Variants in EMCN observed in about 807,000 individuals in gnomAD.
The protein encoded by EMCN is MUC-14.
Under a neutral mutation model 38.4 loss-of-function variants are expected in EMCN, and 37 were observed. The ratio of observed to expected loss-of-function variants is 0.96; its 90% confidence interval spans 0.74 to 1.27. EMCN has a LOEUF of 1.27. Ranked by LOEUF, EMCN falls within the 50% of genes most tolerant of loss-of-function variation. The pLI, the probability that EMCN is intolerant of heterozygous loss-of-function variation, is 0.00. For synonymous variants in EMCN, 95 were observed against 100.8 expected (o/e 0.94, Z 0.35); for missense variants, 318 against 302.8 (o/e 1.05, Z -0.37).
At chr4:100,492,160 A>G (rs1208917815) in intron 1 of EMCN, among the ~76,000 whole-genome samples, 2 of 152,196 alleles carry the variant, frequency 1.3e-5, no homozygotes, top group African/African-American at 4.8e-5. Flanking sequence ...TAATACACAA[A>G]CATTAAATGA....
At chr4:100,421,607 T>C (rs1726891219) in intron 7 of EMCN, among the ~76,000 whole-genome samples, 1 of 151,932 alleles carries the variant, frequency 6.6e-6, no homozygotes, top group Non-Finnish European at 1.5e-5. Flanking sequence ...ATTCCAACCT[T>C]AAGAGAGAGT....
chr4:100,476,543 A>C (rs1224385980), intron 2 of EMCN, among the ~76,000 whole-genome samples: 1 of 152,190 alleles, frequency 6.6e-6, no homozygotes, highest in Non-Finnish European at 1.5e-5. Context: ...TTTATTTTTA[A>C]AGATATTATA....
chr4:100,408,602 A>G (rs1726460801), intron 11 of EMCN, among the ~76,000 whole-genome samples: 1 of 152,082 alleles, frequency 6.6e-6, no homozygotes, highest in African/African-American at 2.4e-5. Flanking sequence ...GTTTCCTCAC[A>G]TTTGTAGCCA....
intron 3 of EMCN, among the ~76,000 whole-genome samples, chr4:100,471,946 A>T (rs1728491114): frequency 6.6e-6 from 1 of 152,062 alleles, no homozygotes; most frequent in African/African-American, 2.4e-5. Flanking sequence ...GATAAAGGTC[A>T]TTTATTAAAA....
chr4:100,515,009 G>GTT (rs1560649175), intron 1 of EMCN, among the ~76,000 whole-genome samples: 1 of 152,052 alleles, frequency 6.6e-6, no homozygotes, highest in African/African-American at 2.4e-5. Context: ...CTGATAGTGT[G>GTT]TTTAATCTTT....
chr4:100,469,941 A>G (rs1030198070), intron 3 of EMCN, among the ~76,000 whole-genome samples: 7 of 151,792 alleles, frequency 4.6e-5, no homozygotes, highest in African/African-American at 1.2e-4. Context: ...AAGATTTTCA[A>G]TGTTAGTTTA....
chr4:100,441,428 T>C (rs1230129227), intron 5 of EMCN, among the ~76,000 whole-genome samples: 2 of 152,230 alleles, frequency 1.3e-5, no homozygotes, highest in Admixed American at 6.5e-5. Flanking sequence ...GTAGGCAGCA[T>C]ATAGTTGGAT....
chr4:100,468,318 A>G (rs1442224635), intron 3 of EMCN, among the ~76,000 whole-genome samples: 2 of 152,152 alleles, frequency 1.3e-5, no homozygotes, highest in East Asian at 1.9e-4. Flanking sequence ...TTTATTTTGT[A>G]TATTTTGAGG....
At chr4:100,469,866 T>C (rs1728426518) in intron 3 of EMCN, among the ~76,000 whole-genome samples, 1 of 152,020 alleles carries the variant, frequency 6.6e-6, no homozygotes, top group Non-Finnish European at 1.5e-5. Flanking sequence ...CTAGGATTTC[T>C]TTGGCTATTT....
At chr4:100,409,167 C>T (rs567755743) in intron 11 of EMCN, among the ~76,000 whole-genome samples, 1 of 152,290 alleles carries the variant, frequency 6.6e-6, no homozygotes, top group Admixed American at 6.5e-5. Flanking sequence ...ATCGTGGACA[C>T]TTTACCTAGA....
chr4:100,515,977 C>T (rs971778605), intron 1 of EMCN, among the ~76,000 whole-genome samples: 4 of 146,742 alleles, frequency 2.7e-5, no homozygotes, highest in African/African-American at 1.0e-4. Flanking sequence ...AGCCTCCTCT[C>T]TAAGACAAAT....
chr4:100,483,772 G>A (rs1728874233), intron 1 of EMCN, among the ~76,000 whole-genome samples: 1 of 152,120 alleles, frequency 6.6e-6, no homozygotes, highest in Non-Finnish European at 1.5e-5. Flanking sequence ...CACCAGATAT[G>A]CTTTTACTGT....
chr4:100,466,161 T>C (rs922024657), intron 3 of EMCN, among the ~76,000 whole-genome samples: 3 of 152,202 alleles, frequency 2.0e-5, no homozygotes, highest in Non-Finnish European at 2.9e-5. Context: ...ATAAGATGAC[T>C]TGAAACAACT....
intron 2 of EMCN, among the ~76,000 whole-genome samples, chr4:100,479,632 G>C (rs975751669): frequency 4.6e-5 from 7 of 151,976 alleles, no homozygotes; most frequent in African/African-American, 1.7e-4. Flanking sequence ...TTAGGACATG[G>C]CAATTTCTTT....
At chr4:100,398,948 G>A (rs1368517800) in intron 11 of EMCN, among the ~76,000 whole-genome samples, 3 of 152,130 alleles carry the variant, frequency 2.0e-5, no homozygotes, top group African/African-American at 7.2e-5. Context: ...TCTGATTAAA[G>A]TCCTTAACTG....
At chr4:100,446,234 T>C (rs1385952037) in intron 5 of EMCN, 1 of 984,462 alleles carries the variant, frequency 1.0e-6, no homozygotes, top group Non-Finnish European at 1.2e-6. Context: ...CTCTAGTGCC[T>C]GCCAATTTTT....
intron 10 of EMCN, among the ~76,000 whole-genome samples, chr4:100,413,165 G>A (rs746167446): frequency 6.6e-6 from 1 of 152,134 alleles, no homozygotes; most frequent in Non-Finnish European, 1.5e-5. Context: ...ACCCTTCTAT[G>A]CTCATTAATT....
chr4:100,431,062 T>C (rs1727183889), intron 5 of EMCN, among the ~76,000 whole-genome samples: 1 of 152,062 alleles, frequency 6.6e-6, no homozygotes, highest in African/African-American at 2.4e-5. Context: ...TGCCCAAAAA[T>C]AAGAGTGTCA....
rs563941489 is a variant in EMCN at position 100,447,048 on chromosome 4, G to T, written c.415+485C>A. 3.3e-5 allele frequency among the ~76,000 whole-genome samples: 5 copies of T among 152,172 alleles called. No homozygotes were observed. In the South Asian group the frequency reaches 1.0e-3, roughly 32 times the overall value. On this transcript the variant is annotated intron_variant, in intron 5 of 11. Transcript: ENST00000296420. Reference sequence around the variant, plus strand: ...TGCCCAACGATCTTCAATTCCTATTGCTCCATTATCCAAAAAACATTCAGT... The same window carrying T: ...TGCCCAACGATCTTCAATTCCTATTTCTCCATTATCCAAAAAACATTCAGT...
Sources: allele counts gnomAD v4.1 joint callset (sites outside exome capture counted in the v4.1 genomes callset), GRCh38; gene constraint gnomAD v4.1.1; transcripts MANE v1.5; gene names NCBI Gene and HGNC (gene_info 2026-07-23, HGNC 2026-07-21).